ERBB4: variants seen among roughly 807,000 people sequenced by gnomAD.
ERBB4 encodes receptor tyrosine-protein kinase erbB-4.
Under a neutral mutation model 158.0 loss-of-function variants are expected in ERBB4, and 42 were observed. The observed-to-expected ratio is 0.27, with a 90% CI of 0.21 to 0.34. The LOEUF (loss-of-function observed/expected upper bound fraction) is 0.34, where lower values mean the gene tolerates loss of function less well. Ranked by LOEUF, ERBB4 falls within the 10% of genes least tolerant of loss-of-function variation. ERBB4 has a pLI of 1.00. For missense variants in ERBB4, 1,333 were observed against 1,624.1 expected (o/e 0.82, Z 3.08); for synonymous variants, 583 against 558.7 (o/e 1.04, Z -0.61).
At chr2:211,515,912 A>ATATATATATATATATATATATTTTTT (rs35696520) in intron 20 of ERBB4, among the ~76,000 whole-genome samples, 2 of 78,974 alleles carry the variant, frequency 2.5e-5, no homozygotes, top group Non-Finnish European at 4.8e-5. Flanking sequence ...ATATATATAT[A>ATATATATATATATATATATATTTTTT]TTTTTTTTTT....
intron 18 of ERBB4, among the ~76,000 whole-genome samples, chr2:211,622,192 A>G (rs1488625681): frequency 6.6e-6 from 1 of 152,210 alleles, no homozygotes; most frequent in African/African-American, 2.4e-5. Context: ...TAAAGATGTA[A>G]ATACAATTGC....
intron 1 of ERBB4, among the ~76,000 whole-genome samples, chr2:212,196,862 T>C (rs2082440466): frequency 6.6e-6 from 1 of 152,154 alleles, no homozygotes; most frequent in Non-Finnish European, 1.5e-5. Context: ...ATTCTTGGAT[T>C]GACATACGTG....
intron 1 of ERBB4, among the ~76,000 whole-genome samples, chr2:212,371,839 G>GA (rs1172046977): frequency 1.3e-5 from 2 of 151,632 alleles, no homozygotes; most frequent in Non-Finnish European, 2.9e-5. Flanking sequence ...TAAAGAGAAA[G>GA]AAAAAAAAGC....
chr2:211,898,576 T>C (rs776478986), intron 3 of ERBB4, among the ~76,000 whole-genome samples: 18 of 152,190 alleles, frequency 1.2e-4, no homozygotes, highest in Non-Finnish European at 2.1e-4. Context: ...GTGAAATGAC[T>C]GTAGAAATTT....
intron 2 of ERBB4, among the ~76,000 whole-genome samples, chr2:212,116,048 T>C (rs62184039): frequency 0.42 from 63,225 of 151,908 alleles, 15,639 homozygotes; most frequent in Non-Finnish European, 0.55. Context: ...TTTATTATTA[T>C]TGAAATAATA....
intron 9 of ERBB4, 65 bp from the exon 10 acceptor site, chr2:211,705,456 T>C: frequency 9.9e-7 from 1 of 1,007,774 alleles, no homozygotes; most frequent in Admixed American, 1.7e-5. Context: ...ATATGAGAAA[T>C]GTGACAATAT....
chr2:211,686,595 G>A (rs1367771250), intron 12 of ERBB4, among the ~76,000 whole-genome samples: 2 of 30 alleles, frequency 0.067, 1 homozygote, highest in Non-Finnish European at 0.25. Context: ...CGCCCAGGTC[G>A]GACTGCGGAC....
chr2:211,712,693 CCATT>C (rs2073746242), intron 8 of ERBB4, among the ~76,000 whole-genome samples: 1 of 151,706 alleles, frequency 6.6e-6, no homozygotes, highest in African/African-American at 2.4e-5. Context: ...AAATCAAGGG[CCATT>C]CAAATATTTA....
intron 1 of ERBB4, among the ~76,000 whole-genome samples, chr2:212,285,046 A>C (rs1236403746): frequency 6.6e-6 from 1 of 152,102 alleles, no homozygotes; most frequent in Non-Finnish European, 1.5e-5. Flanking sequence ...AACGAATAAA[A>C]ACAAGATGTA....
intron 20 of ERBB4, among the ~76,000 whole-genome samples, chr2:211,441,073 A>C (rs1482741159): frequency 6.6e-6 from 1 of 152,028 alleles, no homozygotes; most frequent in East Asian, 1.9e-4. Context: ...TCCTCTCAAA[A>C]TCCTCAGAAG....
intron 12 of ERBB4, among the ~76,000 whole-genome samples, chr2:211,700,993 A>G (rs2073214409): frequency 6.6e-6 from 1 of 152,198 alleles, no homozygotes; most frequent in African/African-American, 2.4e-5. Flanking sequence ...TATTCAGTAG[A>G]AAAACAGGGA....
intron 2 of ERBB4, among the ~76,000 whole-genome samples, chr2:212,110,335 A>G (rs888217809): frequency 6.6e-6 from 1 of 152,010 alleles, no homozygotes; most frequent in Admixed American, 6.6e-5. Context: ...TTTATTGCTT[A>G]CTCTTCTTCT....
At chr2:212,162,558 A>C (rs1049424473) in intron 1 of ERBB4, among the ~76,000 whole-genome samples, 3 of 151,928 alleles carry the variant, frequency 2.0e-5, no homozygotes, top group African/African-American at 7.2e-5. Flanking sequence ...TAAATTGTAT[A>C]TAAATTTTAC....
At chr2:211,624,080 C>A in intron 17 of ERBB4, 36 bp from the exon 18 acceptor site, 1 of 1,613,276 alleles carries the variant, frequency 6.2e-7, no homozygotes, top group South Asian at 1.1e-5. Context: ...TACTTTCAGT[C>A]CGATAGTCAG....
In ERBB4 at chr2:211,383,583, G is replaced by A. The variant is rs2062616032; in HGVS notation, c.*32C>T. 6.4e-7 allele frequency: 1 copy of A among 1,572,728 alleles called. No homozygotes were observed. The highest frequency in any genetic ancestry group is 8.7e-7 in the Non-Finnish European group (1 of 1,144,320). The stretch of plus-strand genomic sequence containing the variant: ...GGGGGGTGGGGAAATTGGAGCAGGT[G>A]TGTCTCTCCACCTAAAAAACCACAA... On this transcript the variant is annotated 3_prime_UTR_variant, in exon 28 of 28. Coordinates refer to ENST00000342788, the MANE Select transcript of ERBB4 (RefSeq NM_005235.3).
At chr2:211,768,713 T>C (rs959502728) in intron 4 of ERBB4, among the ~76,000 whole-genome samples, 13 of 152,150 alleles carry the variant, frequency 8.5e-5, no homozygotes, top group African/African-American at 2.4e-4. Flanking sequence ...AGTCCTGAGA[T>C]TGCACAAAGC....
At chr2:212,028,555 T>C (rs890289332) in intron 2 of ERBB4, among the ~76,000 whole-genome samples, 3 of 152,128 alleles carry the variant, frequency 2.0e-5, no homozygotes, top group African/African-American at 7.2e-5. Context: ...TGTTTCGTTG[T>C]TCCATTCTAG....
chr2:211,634,114 A>G (rs950086602), intron 16 of ERBB4, among the ~76,000 whole-genome samples: 2 of 152,202 alleles, frequency 1.3e-5, no homozygotes, highest in Non-Finnish European at 2.9e-5. Flanking sequence ...AGTATTTTCT[A>G]ATTTTTTATG....
At chr2:212,457,326 A>G (rs1385727174) in intron 1 of ERBB4, among the ~76,000 whole-genome samples, 1 of 151,946 alleles carries the variant, frequency 6.6e-6, no homozygotes, top group Non-Finnish European at 1.5e-5. Flanking sequence ...TCCTTCCTAC[A>G]TGAATGTTTG....
Sources: allele counts gnomAD v4.1 joint callset (sites outside exome capture counted in the v4.1 genomes callset), GRCh38; gene constraint gnomAD v4.1.1; transcripts MANE v1.5; gene names NCBI Gene and HGNC (gene_info 2026-07-23, HGNC 2026-07-21).